TRMT11: variants seen among roughly 807,000 people sequenced by gnomAD.
TRMT11 encodes tRNA (guanine(10)-N(2))-methyltransferase TRMT11.
Under a neutral mutation model 62.8 loss-of-function variants are expected in TRMT11, and 53 were observed. The observed-to-expected ratio is 0.84, with a 90% CI of 0.68 to 1.06. TRMT11 has a LOEUF of 1.06. TRMT11 is among the 50% of genes least tolerant of loss of function. The pLI, the probability that TRMT11 is intolerant of heterozygous loss-of-function variation, is 0.00. For synonymous variants in TRMT11, 188 were observed against 190.3 expected, an observed-to-expected ratio of 0.99 and a Z score of 0.10; for missense variants, 556 against 553.4, an observed-to-expected ratio of 1.00 and a Z score of -0.05.
In TRMT11 at chr6:125,993,744, A is replaced by G; in HGVS notation, c.73-13A>G. Reference sequence around the variant, plus strand: ...TGTTAAAATGTATTTTCTCTGTAATATTTTCAATACAGGAAATAAAGTCTT... The same window carrying G: ...TGTTAAAATGTATTTTCTCTGTAATGTTTTCAATACAGGAAATAAAGTCTT... On this transcript the variant is annotated splice_polypyrimidine_tract_variant and intron_variant, in intron 1 of 12. Transcript: ENST00000334379. 6.3e-7 allele frequency: 1 copy of G among 1,576,468 alleles called. No individual in the cohort carries two copies. The highest frequency in any genetic ancestry group is 8.7e-7 in the Non-Finnish European group (1 of 1,147,404).
At chr6:126,007,785 A>G (rs1432227352) in intron 7 of TRMT11, among the ~76,000 whole-genome samples, 2 of 151,984 alleles carry the variant, frequency 1.3e-5, no homozygotes, top group East Asian at 1.9e-4. Context: ...TATTTTGTGC[A>G]TGTTTGATAA....
In TRMT11 at chr6:125,986,580, T is replaced by A; in HGVS notation, c.30T>A (p.Tyr10Ter). 1 of 1,591,512 alleles carries A rather than the reference T, an allele frequency of 6.3e-7. No homozygotes were observed. The change falls in exon 1 of 13, where the codon TAT (tyrosine) becomes TAA (stop). Residue 10 changes from tyrosine to a stop codon, truncating the protein, a stop_gained. Transcript: ENST00000334379. LOFTEE classifies it high-confidence loss of function. ...CGCTGTCGTGTACCCTTAACAGGTA[T>A]CTGCTCCTCATGGCGCAGGAGCATC... MALSCTLNR[Y>*]LLLMAQEHLE...
At chr6:126,205,289 G>C (rs1172653331), downstream of TRMT11, among the ~76,000 whole-genome samples, 1 of 152,202 alleles carries the variant, frequency 6.6e-6, no homozygotes, top group African/African-American at 2.4e-5. Flanking sequence ...CAGGTCACGA[G>C]GTCAGGAGTT....
intron 21 of TRMT11, among the ~76,000 whole-genome samples, chr6:126,120,860 A>G (rs1203706263): frequency 1.3e-5 from 2 of 152,134 alleles, no homozygotes; most frequent in Admixed American, 1.3e-4. Context: ...TTCACTGGAC[A>G]TAGATTTGAG....
chr6:126,095,964 G>T (rs1485560968), intron 17 of TRMT11, among the ~76,000 whole-genome samples: 1 of 152,108 alleles, frequency 6.6e-6, no homozygotes, highest in African/African-American at 2.4e-5. Context: ...CTAGGAGCAG[G>T]GATAGGAGAA....
the TRMT11 span, among the ~76,000 whole-genome samples, chr6:126,233,274 A>G: frequency 6.6e-6 from 1 of 152,162 alleles, no homozygotes; most frequent in Non-Finnish European, 1.5e-5. Context: ...AACTACTACA[A>G]GTTTATTTCT....
At chr6:126,117,290 A>T (rs1162492038) in intron 21 of TRMT11, among the ~76,000 whole-genome samples, 1 of 152,048 alleles carries the variant, frequency 6.6e-6, no homozygotes, top group Non-Finnish European at 1.5e-5. Flanking sequence ...GAAAAAATTT[A>T]GTTCTAGAAT....
chr6:126,195,391 T>G (rs529600237), intron 1 of TRMT11, among the ~76,000 whole-genome samples: 2 of 152,334 alleles, frequency 1.3e-5, no homozygotes, highest in East Asian at 3.9e-4. Context: ...ATATTTTCAG[T>G]GATAATCTCA....
At chr6:126,004,146 A>G (rs1792974531) in intron 7 of TRMT11, among the ~76,000 whole-genome samples, 1 of 152,088 alleles carries the variant, frequency 6.6e-6, no homozygotes, top group Admixed American at 6.6e-5. Flanking sequence ...ATACATACAC[A>G]TAGACTAGAC....
the TRMT11 span, among the ~76,000 whole-genome samples, chr6:126,241,240 C>T: frequency 2.0e-5 from 3 of 152,164 alleles, no homozygotes; most frequent in Non-Finnish European, 2.9e-5. Flanking sequence ...GAGATGAACC[C>T]GGTACCTCAG....
At chr6:126,104,609 A>C (rs1440501021) in intron 17 of TRMT11, among the ~76,000 whole-genome samples, 3 of 152,212 alleles carry the variant, frequency 2.0e-5, no homozygotes, top group Admixed American at 2.0e-4. Flanking sequence ...CTTGTAGAAG[A>C]CCTCACTGAA....
chr6:126,125,142 T>C (rs570864681), intron 21 of TRMT11, among the ~76,000 whole-genome samples: 1 of 152,118 alleles, frequency 6.6e-6, no homozygotes, highest in Non-Finnish European at 1.5e-5. Flanking sequence ...GGCGCCAGGT[T>C]TTGACCTGGT....
At chr6:126,231,725 A>T in the TRMT11 span, among the ~76,000 whole-genome samples, 1 of 152,222 alleles carries the variant, frequency 6.6e-6, no homozygotes, top group Non-Finnish European at 1.5e-5. Context: ...CATGTGGCAG[A>T]GGGTTCTGAT....
At chr6:126,062,482 T>G (rs1160170343) in intron 17 of TRMT11, among the ~76,000 whole-genome samples, 1 of 152,236 alleles carries the variant, frequency 6.6e-6, no homozygotes, top group Non-Finnish European at 1.5e-5. Flanking sequence ...GGTAGCCTAC[T>G]TTCGTGGCAA....
In TRMT11 at chr6:126,013,130, T is replaced by G. The variant is rs765716995; in HGVS notation, c.1139+29T>G. The G allele has an allele frequency of 1.9e-4, 302 of 1,579,506 alleles. 1 individual carries two copies. The highest frequency in any genetic ancestry group is 2.5e-4 in the Non-Finnish European group (291 of 1,163,594). The stretch of plus-strand genomic sequence containing the variant: ...TGTAATCTTAATTTTATTTTTAATT[T>G]CATTTTTCTTACAATGTTTGCGTAT... On this transcript the variant is annotated intron_variant, in intron 11 of 12. Transcript: ENST00000334379.
In TRMT11 at chr6:126,093,623, A is replaced by ATTT. The variant is rs1301464523; in HGVS notation, c.*1438-19242_*1438-19241insTTT. ...TATATATATATATATATATATATAT[A>ATTT]TATATATATTTTCCCCCAGTCCTGG... On this transcript the variant is annotated intron_variant and NMD_transcript_variant, in intron 17 of 22. Transcript: ENST00000648977. Among the ~76,000 whole-genome samples, 38 of 101,180 alleles carry ATTT rather than the reference A, an allele frequency of 3.8e-4. 3 individuals are homozygous for ATTT. Among genetic ancestry groups the ATTT allele is most frequent in the African/African-American group, 1.9e-3 (35 of 18,438 alleles). 66.4% of individuals were successfully genotyped at this position (101,180 alleles called of 152,430 possible). A position where few individuals can be genotyped will look rare whatever the true frequency, so the allele number is the denominator to read the frequency against.
At chr6:126,116,574 C>T (rs766139759) in intron 21 of TRMT11, among the ~76,000 whole-genome samples, 1 of 152,094 alleles carries the variant, frequency 6.6e-6, no homozygotes, top group South Asian at 2.1e-4. Flanking sequence ...CCTAGTGCCA[C>T]GAGTGGCACG....
the TRMT11 span, among the ~76,000 whole-genome samples, chr6:126,255,081 CT>C: frequency 2.4e-3 from 361 of 152,124 alleles, no homozygotes; most frequent in African/African-American, 8.1e-3. Flanking sequence ...TGTATATAAC[CT>C]TAATGCTTTT....
intron 1 of TRMT11, among the ~76,000 whole-genome samples, chr6:126,193,754 AAG>A: frequency 6.6e-6 from 1 of 151,634 alleles, no homozygotes; most frequent in South Asian, 2.1e-4. Context: ...CAGCCTCCCA[AAG>A]TGCTGGCGTG....
Sources: gnomAD v4.1 joint callset for allele counts (sites outside exome capture counted in the v4.1 genomes callset) on GRCh38, gnomAD v4.1.1 for gene constraint, MANE v1.5 for transcripts, NCBI Gene and HGNC (gene_info 2026-07-23, HGNC 2026-07-21) for gene names.